The following SLIT2 variants were observed in gnomAD, a reference collection of about 807,000 sequenced individuals.
The protein encoded by SLIT2 is slit guidance ligand 2.
Under a neutral mutation model 185.7 loss-of-function variants are expected in SLIT2, and 41 were observed. The ratio of observed to expected loss-of-function variants is 0.22; its 90% CI spans 0.17 to 0.29. The LOEUF (loss-of-function observed/expected upper bound fraction) is 0.29. Ranked by LOEUF, SLIT2 falls within the 10% of genes least tolerant of loss-of-function variation. The pLI is 1.00. For missense variants in SLIT2, 1,571 were observed against 1,909.0 expected (o/e 0.82, Z 3.30); for synonymous variants, 693 against 680.2 (o/e 1.02, Z -0.29).
intron 23 of SLIT2, 81 bp from the exon 24 acceptor site, chr4:20,548,976 G>C: frequency 1.3e-6 from 1 of 783,294 alleles, no homozygotes; most frequent in Non-Finnish European, 2.3e-6. Context: ...GCTTTAATAA[G>C]CCTTAACTGC....
At chr4:20,511,569 T>C (rs1036423842) in intron 11 of SLIT2, among the ~76,000 whole-genome samples, 1 of 128,300 alleles carries the variant, frequency 7.8e-6, no homozygotes, top group Non-Finnish European at 1.6e-5. Context: ...TACAGGCGCC[T>C]GCCACCACAT....
intron 21 of SLIT2, 39 bp downstream of exon 21, chr4:20,542,665 T>G (rs1229969084): frequency 8.7e-6 from 14 of 1,604,860 alleles, no homozygotes; most frequent in Non-Finnish European, 1.1e-5. Context: ...TCTTTTTCCT[T>G]GATGATAAAT....
At chr4:20,420,549 G>T (rs891621951) in intron 4 of SLIT2, among the ~76,000 whole-genome samples, 5 of 151,782 alleles carry the variant, frequency 3.3e-5, no homozygotes, top group African/African-American at 1.2e-4. Context: ...TTTTATCCTT[G>T]TAGAACCCTA....
At chr4:20,496,973 A>G (rs1489780354) in intron 9 of SLIT2, among the ~76,000 whole-genome samples, 2 of 152,170 alleles carry the variant, frequency 1.3e-5, no homozygotes, top group South Asian at 2.1e-4. Flanking sequence ...TTTTAATAGC[A>G]TGGGCCAAAA....
chr4:20,381,406 GA>G (rs1198519298), intron 4 of SLIT2, among the ~76,000 whole-genome samples: 1 of 152,138 alleles, frequency 6.6e-6, no homozygotes, highest in East Asian at 1.9e-4. Flanking sequence ...TAAGACAATG[GA>G]GTGACTATTA....
chr4:20,505,291 C>G (rs1480308604), intron 9 of SLIT2, among the ~76,000 whole-genome samples: 1 of 151,974 alleles, frequency 6.6e-6, no homozygotes, highest in African/African-American at 2.4e-5. Flanking sequence ...AGCTGCAGAT[C>G]CAGAATTTAG....
In SLIT2 at chr4:20,253,797, A is replaced by G. The variant is rs1351457322; in HGVS notation, c.-19A>G. On this transcript the variant is annotated 5_prime_UTR_variant, in exon 1 of 37. Transcript: ENST00000504154. Reference sequence around the variant, plus strand: ...AAGAAAGCCCCCAGTGCCGGCGAGGAAGGAGGCGGCGGGGAAAGATGCGCG... The same window carrying G: ...AAGAAAGCCCCCAGTGCCGGCGAGGGAGGAGGCGGCGGGGAAAGATGCGCG... 6.3e-7 allele frequency: 1 copy of G among 1,596,546 alleles called. No individual in the cohort carries two copies. The highest frequency in any genetic ancestry group is 1.1e-5 in the South Asian group (1 of 90,922).
At chr4:20,346,650 G>A (rs1001094207) in intron 4 of SLIT2, among the ~76,000 whole-genome samples, 2 of 152,230 alleles carry the variant, frequency 1.3e-5, no homozygotes, top group South Asian at 4.1e-4. Context: ...AAGTCGAGAA[G>A]CAAGGAAGCC....
chr4:20,529,680 T>C (rs1269960460), intron 16 of SLIT2, among the ~76,000 whole-genome samples: 11 of 152,224 alleles, frequency 7.2e-5, no homozygotes, highest in Non-Finnish European at 1.5e-4. Context: ...ACCTTGCACA[T>C]ACTAAGTGCT....
chr4:20,356,060 T>C (rs868270197), intron 4 of SLIT2, among the ~76,000 whole-genome samples: 3 of 152,182 alleles, frequency 2.0e-5, no homozygotes, highest in Admixed American at 2.0e-4. Flanking sequence ...ATTATGAAGA[T>C]GTATAGATCT....
At chr4:20,469,644 A>T (rs920512948) in intron 5 of SLIT2, among the ~76,000 whole-genome samples, 1 of 151,334 alleles carries the variant, frequency 6.6e-6, no homozygotes, top group East Asian at 1.9e-4. Context: ...TTTTAAAATT[A>T]TTAATGCAGT....
Position 20,491,874 on chromosome 4 carries a change from A to T in SLIT2, c.889A>T (p.Asn297Tyr), listed in dbSNP as rs1422478965. ...GAAAGGTCTCACTGAGATCCCCACAAATCTTCCAGAGACCATCACAGAAAT... is the reference window on the plus strand; with the variant it reads ...GAAAGGTCTCACTGAGATCCCCACATATCTTCCAGAGACCATCACAGAAAT... ...RGKGLTEIPT[N>Y]LPETITEIRL... The change falls in exon 9 of 37, where the codon AAT becomes TAT. Residue 297 changes from asparagine (N) to tyrosine (Y), a missense_variant. By Grantham distance (143) the Asn-to-Tyr change is moderately radical (BLOSUM62 -2). Transcript: ENST00000504154. 1 of 1,613,818 alleles carries T rather than the reference A, an allele frequency of 6.2e-7. No individual in the cohort carries two copies. Among genetic ancestry groups the T allele is most frequent in the Admixed American group, 1.7e-5 (1 of 59,986 alleles).
intron 5 of SLIT2, among the ~76,000 whole-genome samples, chr4:20,472,159 T>C (rs1319121310): frequency 1.4e-5 from 2 of 146,084 alleles, no homozygotes; most frequent in Non-Finnish European, 3.0e-5. Flanking sequence ...CATTATCAAC[T>C]GATGCTTTGC....
Position 20,312,771 on chromosome 4 carries a change from CAAAAAAAAAAA to C in SLIT2, c.395+43902_395+43912del, listed in dbSNP as rs34372893. Among the ~76,000 whole-genome samples, 41 of 102,150 alleles carry C rather than the reference CAAAAAAAAAAA, an allele frequency of 4.0e-4. No homozygotes were observed. The East Asian group carries it at 8.7e-3, about 22-fold the overall frequency. The allele number at this position is 102,150 out of a possible 152,430, so 67.0% of individuals were successfully genotyped here. ...CTGGCGATAGAGTGAGACTTTGTCT[CAAAAAAAAAAA>C]AAAAAAAAAAAGAAAGAAAAGAAAA... On this transcript the variant is annotated intron_variant, in intron 4 of 36. Transcript: ENST00000504154.
At chr4:20,570,099 T>C (rs977779200) in intron 29 of SLIT2, among the ~76,000 whole-genome samples, 2 of 152,126 alleles carry the variant, frequency 1.3e-5, no homozygotes, top group African/African-American at 4.8e-5. Flanking sequence ...CAGATCTGTT[T>C]GAGTGACTCT....
chr4:20,455,271 G>C (rs1253517628), intron 4 of SLIT2, among the ~76,000 whole-genome samples: 1 of 152,162 alleles, frequency 6.6e-6, no homozygotes, highest in African/African-American at 2.4e-5. Flanking sequence ...TATGGAGGTA[G>C]AATTAAGGGA....
At position 20,427,143 on chromosome 4, in the gene SLIT2, C is replaced by G. The variant is rs182922741; in HGVS notation, c.396-40609C>G. Among the ~76,000 whole-genome samples, 93 of 152,290 alleles carry G rather than the reference C, an allele frequency of 6.1e-4. No homozygotes were observed. In the South Asian group the frequency reaches 0.015, roughly 24 times the overall value. On this transcript the variant is annotated intron_variant, in intron 4 of 36. Transcript: ENST00000504154. The stretch of plus-strand genomic sequence containing the variant: ...AAGGCAAAGACAGGCTTAAAGAAAA[C>G]AGAGATTTTCCCTGAGAATCCACAG...
chr4:20,350,128 G>C (rs1158306891), intron 4 of SLIT2, among the ~76,000 whole-genome samples: 1 of 152,076 alleles, frequency 6.6e-6, no homozygotes, highest in Non-Finnish European at 1.5e-5. Context: ...TGTTCAGATT[G>C]CAAACCCTCT....
intron 18 of SLIT2, among the ~76,000 whole-genome samples, chr4:20,537,958 A>G (rs1722446317): frequency 6.6e-6 from 1 of 151,842 alleles, no homozygotes; most frequent in Non-Finnish European, 1.5e-5. Context: ...TAAAATTTTT[A>G]TCTATTTATT....
Sources: gnomAD v4.1 joint callset for allele counts (sites outside exome capture counted in the v4.1 genomes callset) on GRCh38, gnomAD v4.1.1 for gene constraint, MANE v1.5 for transcripts, NCBI Gene and HGNC (gene_info 2026-07-23, HGNC 2026-07-21) for gene names.